The following RIMS2 variants were observed in gnomAD, a reference collection of about 807,000 sequenced individuals.
RIMS2 encodes the protein regulating synaptic membrane exocytosis 2, also known as regulating synaptic membrane exocytosis protein 2.
Under a neutral mutation model 174.4 loss-of-function variants are expected in RIMS2, and 59 were observed. The ratio of observed to expected loss-of-function variants is 0.34; its 90% CI spans 0.27 to 0.42. RIMS2 has a LOEUF of 0.42. RIMS2 is among the 10% of genes least tolerant of loss of function. RIMS2 has a pLI of 1.00. For synonymous variants in RIMS2, 606 were observed against 572.5 expected, an observed-to-expected ratio of 1.06 and a Z score of -0.84; for missense variants, 1,620 against 1,666.3, an observed-to-expected ratio of 0.97 and a Z score of 0.48.
chr8:103,673,982 A>G (rs368390330), intron 1 of RIMS2, among the ~76,000 whole-genome samples: 10 of 152,364 alleles, frequency 6.6e-5, no homozygotes, highest in African/African-American at 2.4e-4. Context: ...TTTGCTGCTT[A>G]GAAATTTCTT....
At chr8:104,049,390 A>C (rs2096748031) in intron 19 of RIMS2, among the ~76,000 whole-genome samples, 1 of 152,144 alleles carries the variant, frequency 6.6e-6, no homozygotes, top group Non-Finnish European at 1.5e-5. Flanking sequence ...GCGCCACTGC[A>C]CTCCAGCCTG....
chr8:103,695,670 CTTAT>C (rs35338064), intron 1 of RIMS2, among the ~76,000 whole-genome samples: 17,317 of 150,106 alleles, frequency 0.12, 1,314 homozygotes, highest in Non-Finnish European at 0.17. Context: ...TTTTTATTTA[CTTAT>C]TTATATTTTT....
chr8:103,644,522 G>A lies in RIMS2; in HGVS notation c.177-52564G>A, dbSNP rs543669825. Among the ~76,000 whole-genome samples, 56 of 152,086 alleles carry A rather than the reference G, an allele frequency of 3.7e-4. No homozygotes were observed. In the South Asian group the frequency reaches 0.011, roughly 31 times the overall value. Reference sequence around the variant, plus strand: ...TGTTAGCATATTGTCAGAGAAATAGGTGATGTAATTAGTTTCTCATATTAC... The same window carrying A: ...TGTTAGCATATTGTCAGAGAAATAGATGATGTAATTAGTTTCTCATATTAC... On this transcript the variant is annotated intron_variant, in intron 1 of 23. Transcript: ENST00000504942.
At chr8:103,630,386 G>C (rs940382853) in intron 1 of RIMS2, among the ~76,000 whole-genome samples, 1 of 151,874 alleles carries the variant, frequency 6.6e-6, no homozygotes, top group African/African-American at 2.4e-5. Context: ...GAAATGCAAA[G>C]CATTCTCAGA....
intron 4 of RIMS2, among the ~76,000 whole-genome samples, chr8:103,903,374 ATGTACTATGTGATTT>A (rs1243190349): frequency 6.6e-6 from 1 of 152,158 alleles, no homozygotes; most frequent in African/African-American, 2.4e-5. Flanking sequence ...GAATGCCTTT[ATGTACTATGTGATTT>A]AATTTTTAAG....
chr8:103,807,870 T>A (rs578147832), intron 3 of RIMS2, among the ~76,000 whole-genome samples: 44 of 152,300 alleles, frequency 2.9e-4, no homozygotes, highest in African/African-American at 1.0e-3. Flanking sequence ...TCTGTCCATA[T>A]TTACAGGTCA....
chr8:103,998,259 T>G lies in RIMS2; in HGVS notation c.3044+8838T>G, dbSNP rs1320871403. 5.6e-6 allele frequency: 9 copies of G among 1,595,002 alleles called. No individual in the cohort carries two copies. In the South Asian group the frequency reaches 1.0e-4, roughly 18 times the overall value. On this transcript the variant is annotated intron_variant, in intron 17 of 23. Coordinates refer to ENST00000504942, the Ensembl canonical transcript of RIMS2. ...CATCACAGGGATGGCAGGTATATTT[T>G]TCTTACAATTGAGTCTGTTTGTGGA...
At position 103,838,543 on chromosome 8, in the gene RIMS2, T is replaced by C. The variant is rs1239622835; in HGVS notation, c.699-46755T>C. Among the ~76,000 whole-genome samples the C allele has an allele frequency of 8.5e-5, 13 of 152,328 alleles. No homozygotes were observed. In the East Asian group the frequency reaches 2.5e-3, roughly 29 times the overall value. On this transcript the variant is annotated intron_variant, in intron 3 of 23. Transcript: ENST00000504942. ...CTAAACTATTAGGTAGCTTTTGTTT[T>C]CATCATGTGATTTGTGAGAGCACAG... is the stretch of plus-strand genomic sequence containing the variant.
intron 19 of RIMS2, among the ~76,000 whole-genome samples, chr8:104,121,197 G>T (rs1029729357): frequency 7.2e-5 from 11 of 152,114 alleles, no homozygotes; most frequent in African/African-American, 2.7e-4. Flanking sequence ...CTATTATAAA[G>T]ATATATTCAA....
chr8:103,792,278 C>G (rs1158832797), intron 3 of RIMS2, among the ~76,000 whole-genome samples: 2 of 152,136 alleles, frequency 1.3e-5, no homozygotes, highest in African/African-American at 4.8e-5. Flanking sequence ...CACTCAAAAC[C>G]TCTCACCTAC....
At chr8:103,572,344 G>A (rs2114248) in intron 1 of RIMS2, among the ~76,000 whole-genome samples, 12 of 151,928 alleles carry the variant, frequency 7.9e-5, no homozygotes, top group African/African-American at 9.7e-5. Context: ...TTGGCCCTGC[G>A]CACGCCTTGC....
intron 1 of RIMS2, among the ~76,000 whole-genome samples, chr8:103,648,017 G>A (rs13263306): frequency 0.18 from 26,629 of 151,044 alleles, 2,552 homozygotes; most frequent in African/African-American, 0.23. Context: ...GTGATGTTAG[G>A]TTTTTGAGAT....
intron 1 of RIMS2, among the ~76,000 whole-genome samples, chr8:103,632,731 ATTTTTTTTT>A (rs61579273): frequency 1.4e-5 from 1 of 70,446 alleles, no homozygotes. Flanking sequence ...ATATTTATTG[ATTTTTTTTT>A]TTTTTTTTTT....
intron 3 of RIMS2, among the ~76,000 whole-genome samples, chr8:103,825,017 A>G (rs1295285499): frequency 2.0e-5 from 3 of 152,064 alleles, no homozygotes; most frequent in Non-Finnish European, 2.9e-5. Context: ...CTTACTGGCT[A>G]TGTGTTACTG....
intron 2 of RIMS2, among the ~76,000 whole-genome samples, chr8:103,719,605 A>T (rs1003965805): frequency 4.6e-5 from 7 of 152,218 alleles, no homozygotes; most frequent in African/African-American, 1.2e-4. Flanking sequence ...GGTCTTAGAG[A>T]TTGAATTTTT....
chr8:104,039,630 A>G (rs1299424286), intron 19 of RIMS2, among the ~76,000 whole-genome samples: 1 of 151,750 alleles, frequency 6.6e-6, no homozygotes, highest in African/African-American at 2.4e-5. Flanking sequence ...TTTCATTTTT[A>G]CTTGTGAGGG....
chr8:103,913,395 C>A (rs1385017465), intron 6 of RIMS2, among the ~76,000 whole-genome samples: 3 of 151,968 alleles, frequency 2.0e-5, no homozygotes, highest in Non-Finnish European at 4.4e-5. Flanking sequence ...GATCACACCA[C>A]TGAATTCCAG....
intron 3 of RIMS2, among the ~76,000 whole-genome samples, chr8:103,840,631 G>A (rs2098933819): frequency 6.6e-6 from 1 of 151,952 alleles, no homozygotes; most frequent in Non-Finnish European, 1.5e-5. Flanking sequence ...CCGTTCATAT[G>A]TTAACTTTAG....
chr8:104,211,808 G>A (rs188513777), intron 19 of RIMS2, among the ~76,000 whole-genome samples: 21 of 152,164 alleles, frequency 1.4e-4, no homozygotes, highest in East Asian at 1.9e-4. Flanking sequence ...GCCACCGCGC[G>A]TGACTGGATT....
Sources: gnomAD v4.1 joint callset for allele counts (sites outside exome capture counted in the v4.1 genomes callset) on GRCh38, gnomAD v4.1.1 for gene constraint, MANE v1.5 for transcripts, NCBI Gene and HGNC (gene_info 2026-07-23, HGNC 2026-07-21) for gene names.